Variants in OR4Q3 observed in about 807,000 individuals in gnomAD.
The protein encoded by OR4Q3 is olfactory receptor 4Q3.
A neutral mutation model predicts 18.8 loss-of-function variants in OR4Q3; 17 were observed. That is an observed-to-expected ratio of 0.91 (90% CI 0.62 to 1.36). The LOEUF (loss-of-function observed/expected upper bound fraction) is 1.36. OR4Q3 is among the 40% of genes most tolerant of loss of function. The probability of loss-of-function intolerance (pLI) is 0.00; values close to 1 mark genes in which losing one functional copy is unlikely to be tolerated. For synonymous variants in OR4Q3, 158 were observed against 145.8 expected (o/e 1.08, Z -0.60); for missense variants, 378 against 373.4 (o/e 1.01, Z -0.10).
At chr14:19,747,541 T>G in exon 2 of OR4Q3, 8 of 1,613,632 alleles carry the variant, frequency 5.0e-6, no homozygotes, top group Admixed American at 1.7e-5. Flanking sequence ...ACATTGCTAT[T>G]GTCCTGGGAA....
downstream of OR4Q3, among the ~76,000 whole-genome samples, chr14:19,752,206 A>C: frequency 6.6e-6 from 1 of 152,248 alleles, no homozygotes; most frequent in Non-Finnish European, 1.5e-5. Context: ...TGTACAGAAA[A>C]AGAAACTATC....
At chr14:19,752,183 A>G, downstream of OR4Q3, among the ~76,000 whole-genome samples, 2 of 152,256 alleles carry the variant, frequency 1.3e-5, no homozygotes, top group African/African-American at 2.4e-5. Flanking sequence ...ACCTAGGTAA[A>G]TGAAAGTGCT....
downstream of OR4Q3, among the ~76,000 whole-genome samples, chr14:19,752,060 A>C: frequency 1.6e-4 from 25 of 152,356 alleles, no homozygotes; most frequent in South Asian, 4.1e-4. Flanking sequence ...ACCACAAACT[A>C]TGAAAATCCT....
chr14:19,743,982 C>T (rs1335146494), intron 1 of OR4Q3, among the ~76,000 whole-genome samples: 2 of 152,172 alleles, frequency 1.3e-5, no homozygotes, highest in African/African-American at 4.8e-5. Context: ...GCAATATTTT[C>T]TTAAGACTAC....
chr14:19,745,708 T>G, intron 1 of OR4Q3, among the ~76,000 whole-genome samples: 1 of 152,218 alleles, frequency 6.6e-6, no homozygotes, highest in African/African-American at 2.4e-5. Context: ...TGAGATTTTC[T>G]TATGGAAATT....
downstream of OR4Q3, among the ~76,000 whole-genome samples, chr14:19,750,601 T>C: frequency 6.6e-6 from 1 of 152,220 alleles, no homozygotes; most frequent in African/African-American, 2.4e-5. Context: ...TACTGGAAAA[T>C]TGCAATAACC....
intron 1 of OR4Q3, among the ~76,000 whole-genome samples, chr14:19,746,024 C>T: frequency 4.6e-5 from 7 of 152,002 alleles, no homozygotes; most frequent in African/African-American, 1.4e-4. Context: ...GAATAACATC[C>T]TAGAGAAAGT....
chr14:19,751,934 G>T, downstream of OR4Q3, among the ~76,000 whole-genome samples: 1 of 152,142 alleles, frequency 6.6e-6, no homozygotes, highest in African/African-American at 2.4e-5. Context: ...CTCTGGAGTT[G>T]GTTTGTCCTT....
chr14:19,749,670 T>C, downstream of OR4Q3, among the ~76,000 whole-genome samples: 1 of 146,596 alleles, frequency 6.8e-6, no homozygotes, highest in African/African-American at 2.6e-5. Flanking sequence ...TAAGTTAATA[T>C]TTTATTTCTC....
chr14:19,745,787 C>T, intron 1 of OR4Q3, among the ~76,000 whole-genome samples: 1 of 152,198 alleles, frequency 6.6e-6, no homozygotes, highest in Non-Finnish European at 1.5e-5. Flanking sequence ...TGAGGCTGTA[C>T]ATGTAACAGC....
chr14:19,750,509 C>T, downstream of OR4Q3, among the ~76,000 whole-genome samples: 2 of 152,056 alleles, frequency 1.3e-5, no homozygotes, highest in Non-Finnish European at 2.9e-5. Context: ...TAATGAATTG[C>T]CATAGAGAGG....
In OR4Q3 at chr14:19,747,043, A is replaced by C; in HGVS notation, c.3-363A>C. On this transcript the variant is annotated intron_variant, in intron 1 of 1. Coordinates refer to ENST00000642117, the Ensembl canonical transcript of OR4Q3. Reference sequence around the variant, plus strand: ...TTATTTTCTTGCCTGAGAGTACTCCATTGATAATGGTGGAGCTAGGCATTC... The same window carrying C: ...TTATTTTCTTGCCTGAGAGTACTCCCTTGATAATGGTGGAGCTAGGCATTC... Among the ~76,000 whole-genome samples the C allele has an allele frequency of 1.7e-3, 257 of 152,332 alleles. 1 individual carries two copies. The highest frequency in any genetic ancestry group is 5.9e-3 in the African/African-American group (246 of 41,576).
exon 2 of OR4Q3, chr14:19,748,139 T>C: frequency 0.73 from 1,178,859 of 1,610,414 alleles, 390,261 homozygotes; most frequent in South Asian, 0.81. Flanking sequence ...GAACAAGGTC[T>C]TCTCTACCTG....
chr14:19,751,797 T>C, downstream of OR4Q3, among the ~76,000 whole-genome samples: 1 of 152,114 alleles, frequency 6.6e-6, no homozygotes, highest in African/African-American at 2.4e-5. Flanking sequence ...TTAATCTAAC[T>C]AGCAGTCTAA....
downstream of OR4Q3, among the ~76,000 whole-genome samples, chr14:19,750,472 T>C: frequency 6.6e-6 from 1 of 152,342 alleles, no homozygotes; most frequent in East Asian, 1.9e-4. Flanking sequence ...TTTTACAATG[T>C]TTTTTATATT....
At chr14:19,745,771 C>T in intron 1 of OR4Q3, among the ~76,000 whole-genome samples, 1 of 152,182 alleles carries the variant, frequency 6.6e-6, no homozygotes, top group African/African-American at 2.4e-5. Context: ...TATAGCAGAG[C>T]TCAAGTGAGG....
chr14:19,745,451 C>T, intron 1 of OR4Q3, among the ~76,000 whole-genome samples: 9 of 152,274 alleles, frequency 5.9e-5, no homozygotes, highest in Non-Finnish European at 1.2e-4. Context: ...TATGCCTTCA[C>T]ATTAGGAAAT....
intron 1 of OR4Q3, among the ~76,000 whole-genome samples, chr14:19,747,139 G>C: frequency 6.6e-6 from 1 of 152,214 alleles, no homozygotes; most frequent in Non-Finnish European, 1.5e-5. Flanking sequence ...GAAATGGAAA[G>C]ATTAGCACTT....
downstream of OR4Q3, among the ~76,000 whole-genome samples, chr14:19,750,852 A>G: frequency 6.6e-6 from 1 of 152,212 alleles, no homozygotes; most frequent in East Asian, 1.9e-4. Context: ...GCTTCACTCT[A>G]CTCAACATTT....
Sources: allele counts gnomAD v4.1 joint callset (sites outside exome capture counted in the v4.1 genomes callset), GRCh38; gene constraint gnomAD v4.1.1; transcripts MANE v1.5; gene names NCBI Gene and HGNC (gene_info 2026-07-23, HGNC 2026-07-21).